ADORA2B: variants seen among roughly 807,000 people sequenced by gnomAD.
ADORA2B encodes adenosine A2b receptor.
A neutral mutation model predicts 20.8 loss-of-function variants in ADORA2B; 18 were observed. The observed-to-expected ratio is 0.87, with a 90% CI of 0.60 to 1.29. The LOEUF (loss-of-function observed/expected upper bound fraction) is 1.29. ADORA2B is among the 50% of genes most tolerant of loss of function. The pLI, the probability that ADORA2B is intolerant of heterozygous loss-of-function variation, is 0.00. For missense variants in ADORA2B, 441 were observed against 422.7 expected (o/e 1.04, Z -0.38); for synonymous variants, 179 against 178.3 (o/e 1.00, Z -0.03).
chr17:15,961,311 A>G lies in ADORA2B; in HGVS notation c.336-13368A>G, dbSNP rs183630561. Reference sequence around the variant, plus strand: ...AAAAAAAATTAACATTTTTGAGTTCAGGTGATTTTGCCAAATGTCCCTCAA... The same window carrying G: ...AAAAAAAATTAACATTTTTGAGTTCGGGTGATTTTGCCAAATGTCCCTCAA... On this transcript the variant is annotated intron_variant, in intron 1 of 1. Coordinates refer to ENST00000304222, the MANE Select transcript of ADORA2B (RefSeq NM_000676.4). Among the ~76,000 whole-genome samples, 11 of 151,966 alleles carry G rather than the reference A, an allele frequency of 7.2e-5. No individual in the cohort carries two copies. In the South Asian group the frequency reaches 1.2e-3, roughly 17 times the overall value.
the ADORA2B span, among the ~76,000 whole-genome samples, chr17:15,895,208 C>T: frequency 1.3e-5 from 2 of 152,116 alleles, no homozygotes; most frequent in Non-Finnish European, 2.9e-5. Flanking sequence ...AAATGTTAAG[C>T]TCATTTTAAA....
chr17:15,967,864 C>T (rs1022339353), intron 1 of ADORA2B, among the ~76,000 whole-genome samples: 1 of 152,094 alleles, frequency 6.6e-6, no homozygotes, highest in African/African-American at 2.4e-5. Context: ...ATGACTCAAG[C>T]ATGGACAACT....
the ADORA2B span, among the ~76,000 whole-genome samples, chr17:15,884,591 C>A: frequency 6.6e-6 from 1 of 152,102 alleles, no homozygotes; most frequent in African/African-American, 2.4e-5. Flanking sequence ...CCCATACAGG[C>A]CCCAGTATGT....
chr17:15,945,329 G>T lies in ADORA2B; in HGVS notation c.81G>T (p.Leu27=), dbSNP rs1250944630. ...IAALSVAGNV[L]VCAAVGTANT... ...CGCTTTCGGTGGCGGGCAACGTGCT[G>T]GTGTGCGCCGCGGTGGGCACGGCGA... Residue 27 remains leucine, a synonymous_variant, in exon 1 of 2, where the codon CTG becomes CTT. Transcript: ENST00000304222. 6.3e-7 allele frequency: 1 copy of T among 1,599,578 alleles called. No individual in the cohort carries two copies. The highest frequency in any genetic ancestry group is 1.1e-5 in the South Asian group (1 of 89,674).
upstream of ADORA2B, among the ~76,000 whole-genome samples, chr17:15,943,225 A>G (rs762875366): frequency 2.6e-5 from 4 of 152,186 alleles, no homozygotes; most frequent in Non-Finnish European, 5.9e-5. Flanking sequence ...CCACCCAGCT[A>G]GGAGGTCTAC....
chr17:15,883,773 G>T, the ADORA2B span, among the ~76,000 whole-genome samples: 3 of 152,112 alleles, frequency 2.0e-5, no homozygotes, highest in Non-Finnish European at 4.4e-5. Flanking sequence ...GTGTAGAGAC[G>T]TGCTTAGGAG....
chr17:15,905,290 G>GC, the ADORA2B span, among the ~76,000 whole-genome samples: 1 of 150,752 alleles, frequency 6.6e-6, no homozygotes, highest in Non-Finnish European at 1.5e-5. Flanking sequence ...TTGTTGGGGG[G>GC]GGGTTGCGAT....
chr17:15,918,087 C>T, the ADORA2B span, among the ~76,000 whole-genome samples: 22 of 152,206 alleles, frequency 1.4e-4, no homozygotes, highest in Non-Finnish European at 2.6e-4. Flanking sequence ...GGGGTGGCAG[C>T]GTGGTCGGGC....
the ADORA2B span, among the ~76,000 whole-genome samples, chr17:15,910,822 G>A: frequency 6.6e-6 from 1 of 152,138 alleles, no homozygotes; most frequent in Non-Finnish European, 1.5e-5. Context: ...TTGCAGAGGT[G>A]GCATCTGGGC....
the ADORA2B span, among the ~76,000 whole-genome samples, chr17:15,902,495 G>T: frequency 2.6e-5 from 4 of 152,232 alleles, no homozygotes; most frequent in Non-Finnish European, 4.4e-5. Context: ...ACTGCGCTGG[G>T]TCGCTTCCTT....
chr17:15,905,306 A>T, the ADORA2B span, among the ~76,000 whole-genome samples: 1 of 151,878 alleles, frequency 6.6e-6, no homozygotes, highest in African/African-American at 2.4e-5. Flanking sequence ...GCGATTGTAA[A>T]TGGCTTTCTT....
chr17:15,902,115 A>G, the ADORA2B span, among the ~76,000 whole-genome samples: 11 of 151,976 alleles, frequency 7.2e-5, no homozygotes, highest in Non-Finnish European at 1.5e-5. Context: ...ATTTGAGTGG[A>G]TTCATATGGG....
chr17:15,918,305 A>G, the ADORA2B span, among the ~76,000 whole-genome samples: 970 of 152,242 alleles, frequency 6.4e-3, 14 homozygotes, highest in African/African-American at 0.022. Flanking sequence ...ACAAACATTC[A>G]GTGCATTGCT....
intron 1 of ADORA2B, among the ~76,000 whole-genome samples, chr17:15,957,555 G>T (rs969033371): frequency 6.6e-6 from 1 of 152,140 alleles, no homozygotes; most frequent in Non-Finnish European, 1.5e-5. Flanking sequence ...ATTTCCGGTC[G>T]CCTGGGTGAT....
At chr17:15,939,668 G>A in the ADORA2B span, among the ~76,000 whole-genome samples, 1 of 151,918 alleles carries the variant, frequency 6.6e-6, no homozygotes, top group Non-Finnish European at 1.5e-5. Context: ...GACCATCCTG[G>A]CTAACACATG....
the ADORA2B span, among the ~76,000 whole-genome samples, chr17:15,861,895 C>G: frequency 1.3e-5 from 2 of 152,212 alleles, no homozygotes; most frequent in African/African-American, 4.8e-5. Flanking sequence ...TGACTCTGTC[C>G]TCTGCACTCC....
rs149342816 is a variant in ADORA2B, at chr17:15,967,586, C to T, written c.336-7093C>T. ...TGGGAGAAGGTGGAGGATGCAGGGG[C>T]CAGGGCACGTGGGGAAGGACACTTC... On this transcript the variant is annotated intron_variant, in intron 1 of 1. Coordinates refer to ENST00000304222, the MANE Select transcript of ADORA2B (RefSeq NM_000676.4). Among the ~76,000 whole-genome samples, 44 of 152,256 alleles carry T rather than the reference C, an allele frequency of 2.9e-4. 1 individual carries two copies. In the East Asian group the frequency reaches 6.8e-3, roughly 23 times the overall value.
the ADORA2B span, among the ~76,000 whole-genome samples, chr17:15,863,596 C>T: frequency 6.6e-6 from 1 of 152,100 alleles, no homozygotes. Context: ...TCAGGTAATC[C>T]TCCTGCCTCA....
At chr17:15,949,335 A>T (rs1292525871) in intron 1 of ADORA2B, among the ~76,000 whole-genome samples, 2 of 151,740 alleles carry the variant, frequency 1.3e-5, no homozygotes, top group Non-Finnish European at 2.9e-5. Flanking sequence ...CAACATGGCG[A>T]AATCCCGTCT....
Sources: gnomAD v4.1 joint callset for allele counts (sites outside exome capture counted in the v4.1 genomes callset) on GRCh38, gnomAD v4.1.1 for gene constraint, MANE v1.5 for transcripts, NCBI Gene and HGNC (gene_info 2026-07-23, HGNC 2026-07-21) for gene names.